PCCA: variants seen among roughly 807,000 people sequenced by gnomAD.
The protein encoded by PCCA is propionyl-CoA carboxylase alpha chain, mitochondrial.
In PCCA, 74 loss-of-function variants were observed where a neutral mutation model predicts 101.3. The observed-to-expected ratio is 0.73, with a 90% CI of 0.61 to 0.89. PCCA has a LOEUF of 0.89. PCCA is among the 40% of genes least tolerant of loss of function. PCCA has a pLI of 0.00. For synonymous variants in PCCA, 294 were observed against 313.6 expected, an observed-to-expected ratio of 0.94 and a Z score of 0.66; for missense variants, 891 against 907.0, an observed-to-expected ratio of 0.98 and a Z score of 0.23.
intron 21 of PCCA, among the ~76,000 whole-genome samples, chr13:100,469,332 A>G (rs530405873): frequency 8.5e-5 from 13 of 152,234 alleles, no homozygotes; most frequent in African/African-American, 3.1e-4. Context: ...GAACAAAGGA[A>G]AGGAAAAGGG....
intron 17 of PCCA, among the ~76,000 whole-genome samples, chr13:100,331,531 A>G (rs1166497088): frequency 3.3e-5 from 5 of 152,202 alleles, no homozygotes; most frequent in African/African-American, 4.8e-5. Flanking sequence ...AGCAGTTTTC[A>G]GTTCAGAATT....
intron 19 of PCCA, among the ~76,000 whole-genome samples, chr13:100,395,789 G>A (rs374580349): frequency 1.1e-4 from 16 of 152,264 alleles, no homozygotes; most frequent in East Asian, 3.9e-4. Flanking sequence ...CAGAACATTT[G>A]GTAATTATCT....
intron 2 of PCCA, 83 bp from the exon 3 acceptor site, chr13:100,111,758 T>G (rs1182440445): frequency 1.2e-6 from 1 of 823,114 alleles, no homozygotes; most frequent in Non-Finnish European, 2.1e-6. Flanking sequence ...AGTGTTGATG[T>G]TGGAAAAACT....
intron 21 of PCCA, among the ~76,000 whole-genome samples, chr13:100,483,536 G>A (rs993723559): frequency 6.6e-6 from 1 of 152,096 alleles, no homozygotes; most frequent in African/African-American, 2.4e-5. Context: ...GTTAATAATT[G>A]GTTCAGAAGA....
chr13:100,458,351 A>AC (rs1158373764), intron 21 of PCCA, among the ~76,000 whole-genome samples: 11 of 89,600 alleles, frequency 1.2e-4, no homozygotes, highest in East Asian at 9.0e-4. Flanking sequence ...ACACAGTGGG[A>AC]CCCCATCTCT....
chr13:100,328,423 T>C (rs370492320), intron 16 of PCCA, among the ~76,000 whole-genome samples: 1 of 148,950 alleles, frequency 6.7e-6, no homozygotes, highest in African/African-American at 2.5e-5. Context: ...AATAATAATA[T>C]ATTTTATGTG....
chr13:100,488,533 G>A (rs926135278), intron 21 of PCCA, among the ~76,000 whole-genome samples: 3 of 152,120 alleles, frequency 2.0e-5, no homozygotes, highest in Non-Finnish European at 4.4e-5. Context: ...CAATACCTTG[G>A]AGGCTGAGGC....
chr13:100,414,032 A>T (rs1030401191), intron 19 of PCCA, among the ~76,000 whole-genome samples: 1 of 152,260 alleles, frequency 6.6e-6, no homozygotes, highest in Non-Finnish European at 1.5e-5. Context: ...TAATGAGGTG[A>T]TAATTAAACA....
chr13:100,286,404 T>A (rs530382179), intron 12 of PCCA, among the ~76,000 whole-genome samples: 3 of 152,068 alleles, frequency 2.0e-5, no homozygotes, highest in African/African-American at 7.2e-5. Context: ...CTAAATCCAA[T>A]TGGCTAATTT....
intron 7 of PCCA, among the ~76,000 whole-genome samples, chr13:100,222,551 G>C (rs1470713145): frequency 6.6e-6 from 1 of 152,196 alleles, no homozygotes; most frequent in African/African-American, 2.4e-5. Context: ...TTGAGTATAA[G>C]ATTACTTTTG....
chr13:100,498,880 T>C (rs10492559), intron 21 of PCCA, among the ~76,000 whole-genome samples: 36,777 of 152,122 alleles, frequency 0.24, 4,545 homozygotes, highest in Admixed American at 0.26. Context: ...CATCTCTGTC[T>C]TGTTAGCATG....
chr13:100,105,393 C>G (rs1296355666), intron 2 of PCCA, among the ~76,000 whole-genome samples: 1 of 152,136 alleles, frequency 6.6e-6, no homozygotes, highest in African/African-American at 2.4e-5. Flanking sequence ...AATCAGCTAT[C>G]CTAAGTGGCT....
intron 14 of PCCA, 148 bp downstream of exon 14, chr13:100,303,146 T>A: frequency 1.4e-6 from 1 of 707,342 alleles, no homozygotes; most frequent in Non-Finnish European, 2.6e-6. Flanking sequence ...GAAAACAAAT[T>A]TTTTTCAGTA....
intron 14 of PCCA, among the ~76,000 whole-genome samples, chr13:100,304,705 G>A (rs143035705): frequency 6.6e-6 from 1 of 152,262 alleles, no homozygotes; most frequent in African/African-American, 2.4e-5. Flanking sequence ...AGGTGCTTGG[G>A]TGTTTTGTTG....
intron 19 of PCCA, among the ~76,000 whole-genome samples, chr13:100,420,379 C>T (rs2078666479): frequency 6.6e-6 from 1 of 152,040 alleles, no homozygotes; most frequent in African/African-American, 2.4e-5. Context: ...TCGGGACCAG[C>T]CCTGGCAACA....
At chr13:100,521,525 C>T (rs1399009017) in intron 22 of PCCA, among the ~76,000 whole-genome samples, 2 of 152,244 alleles carry the variant, frequency 1.3e-5, no homozygotes, top group African/African-American at 4.8e-5. Flanking sequence ...CTCCCCGTCT[C>T]GCTTTACATG....
intron 4 of PCCA, among the ~76,000 whole-genome samples, chr13:100,136,336 C>T (rs776011876): frequency 6.6e-5 from 10 of 151,940 alleles, no homozygotes; most frequent in South Asian, 2.1e-4. Flanking sequence ...CAGGCGTGCA[C>T]CACCACGCCT....
At chr13:100,295,916 A>AT (rs1293273689) in intron 12 of PCCA, among the ~76,000 whole-genome samples, 1 of 152,054 alleles carries the variant, frequency 6.6e-6, no homozygotes, top group African/African-American at 2.4e-5. Flanking sequence ...CTCAGTTTTA[A>AT]TTTTCATTTC....
chr13:100,207,641 A>G (rs1215098452), intron 6 of PCCA, among the ~76,000 whole-genome samples: 2 of 151,818 alleles, frequency 1.3e-5, no homozygotes, highest in Admixed American at 6.6e-5. Flanking sequence ...CGGCCTCCCA[A>G]AGTGCTGGGA....
Sources: gnomAD v4.1 joint callset for allele counts (sites outside exome capture counted in the v4.1 genomes callset) on GRCh38, gnomAD v4.1.1 for gene constraint, MANE v1.5 for transcripts, NCBI Gene and HGNC (gene_info 2026-07-23, HGNC 2026-07-21) for gene names.